Variants in FAM178B observed in about 807,000 individuals in gnomAD.
The protein encoded by FAM178B is protein FAM178B.
Under a neutral mutation model 91.7 loss-of-function variants are expected in FAM178B, and 82 were observed. That is an observed-to-expected ratio of 0.89 (90% CI 0.75 to 1.07). The LOEUF (loss-of-function observed/expected upper bound fraction) is 1.07. FAM178B is among the 50% of genes least tolerant of loss of function. FAM178B has a pLI of 0.00. For synonymous variants in FAM178B, 368 were observed against 359.4 expected (o/e 1.02, Z -0.27); for missense variants, 769 against 846.7 (o/e 0.91, Z 1.14).
chr2:96,967,868 C>T (rs1397791996), intron 4 of FAM178B, among the ~76,000 whole-genome samples: 1 of 148,658 alleles, frequency 6.7e-6, no homozygotes, highest in African/African-American at 2.5e-5. Flanking sequence ...TGGTTCTCAC[C>T]ACACAACTTC....
chr2:96,979,275 AT>A (rs745659064), intron 1 of FAM178B, among the ~76,000 whole-genome samples: 98 of 114,398 alleles, frequency 8.6e-4, no homozygotes, highest in East Asian at 7.7e-3. Flanking sequence ...GCGCCCAGGC[AT>A]TTTTTTTTTT....
At chr2:96,898,266 C>T (rs1035684698) in intron 13 of FAM178B, 2 of 292,378 alleles carry the variant, frequency 6.8e-6, no homozygotes, top group African/African-American at 4.6e-5. Flanking sequence ...GGCACTTCAC[C>T]ATGAAGTGGC....
rs961393873 is a variant in FAM178B, at chr2:96,911,925, G to A, written c.1563-9218C>T. Among the ~76,000 whole-genome samples, 134 of 152,140 alleles carry A rather than the reference G, an allele frequency of 8.8e-4. 3 individuals carry two copies. Among genetic ancestry groups the A allele is most frequent in the South Asian group, 4.1e-4 (2 of 4,820 alleles). ...ATCCCAGACATGTGCCACACAGATA[G>A]GTGCTCAGCAGCAAAGTCTGGCCAC... On this transcript the variant is annotated intron_variant, in intron 12 of 16. Transcript: ENST00000490605.
In FAM178B at chr2:96,986,310, A is replaced by C. The variant is rs2082423336; in HGVS notation, c.4T>G (p.Trp2Gly). Residue 2 changes from tryptophan to glycine, a missense_variant, in exon 1 of 17, where the codon TGG (tryptophan) becomes GGG (glycine). By Grantham distance (184) the Trp-to-Gly change is radical (BLOSUM62 -2). Transcript: ENST00000490605. ...AGGCCCGCACCTGGAAGCCTTGGCC[A>C]CATAGGGCGGGAAGGGCAGGGCTCC... M[W>G]PRLPGAGLAP... The C allele has an allele frequency of 2.6e-6, 4 of 1,534,060 alleles. No individual in the cohort carries two copies. In the East Asian group the frequency reaches 9.8e-5, roughly 38 times the overall value.
intron 7 of FAM178B, among the ~76,000 whole-genome samples, chr2:96,950,864 C>T (rs1559092281): frequency 6.6e-6 from 1 of 152,228 alleles, no homozygotes; most frequent in Non-Finnish European, 1.5e-5. Context: ...AACGCCCAAG[C>T]ACCCTCGGCT....
chr2:96,921,601 G>A lies in FAM178B; in HGVS notation c.1341C>T (p.Leu447=). 1 of 1,551,678 alleles carries A rather than the reference G, an allele frequency of 6.4e-7. No homozygotes were observed. Among genetic ancestry groups the A allele is most frequent in the South Asian group, 1.2e-5 (1 of 84,058 alleles). ...GGCACAGCAGCTCAATCAGTCCCAT[G>A]AGGTTCTCATCAGTGTAGGCCCCCG... is the stretch of plus-strand genomic sequence containing the variant. The part of the protein sequence containing the change: ...AQPGAYTDEN[L]MGLIELLCRT... Residue 447 remains leucine, a synonymous_variant, in exon 11 of 17, where the codon CTC becomes CTT. Transcript: ENST00000490605.
intron 8 of FAM178B, among the ~76,000 whole-genome samples, chr2:96,943,888 C>T (rs940114266): frequency 6.6e-6 from 1 of 152,090 alleles, no homozygotes; most frequent in Non-Finnish European, 1.5e-5. Flanking sequence ...CAGATGGGTT[C>T]GCGGTGGTTT....
intron 6 of FAM178B, among the ~76,000 whole-genome samples, chr2:96,957,009 A>G (rs2082008347): frequency 6.9e-6 from 1 of 144,398 alleles, no homozygotes; most frequent in African/African-American, 2.6e-5. Flanking sequence ...CAGGTGTGCT[A>G]TCACCCATGG....
At chr2:96,897,997 G>A (rs148361304) in intron 13 of FAM178B, 171 of 985,444 alleles carry the variant, frequency 1.7e-4, no homozygotes, top group Non-Finnish European at 2.0e-4. Flanking sequence ...TGGGGCCTCC[G>A]CTGCAGCTTG....
At chr2:96,924,835 C>T (rs1435146308) in intron 9 of FAM178B, among the ~76,000 whole-genome samples, 2 of 152,152 alleles carry the variant, frequency 1.3e-5, no homozygotes, top group Non-Finnish European at 2.9e-5. Context: ...AGGCAGCCCC[C>T]TGGCACAGGG....
Position 96,972,208 on chromosome 2 carries a change from G to A in FAM178B, c.257C>T (p.Ala86Val). The A allele has an allele frequency of 6.5e-7, 1 of 1,543,380 alleles. No homozygotes were observed. Among genetic ancestry groups the A allele is most frequent in the Middle Eastern group, 1.7e-4 (1 of 5,906 alleles). ...RCPARRPCSP[A>V]SAPAPTSPKK... is the part of the protein sequence containing the mutation. Reference sequence around the variant, plus strand: ...TGGCGATGTGGGAGCTGGAGCCGAGGCAGGGCTGCAGGGCCGCCGGGCAGG... The same window carrying A: ...TGGCGATGTGGGAGCTGGAGCCGAGACAGGGCTGCAGGGCCGCCGGGCAGG... Residue 86 changes from alanine to valine, a missense_variant, in exon 3 of 17, where the codon GCC becomes GTC. Ala to Val is a moderately conservative substitution (Grantham distance 64, BLOSUM62 0). Transcript: ENST00000490605.
At chr2:96,962,437 AAAAAAAAG>A (rs1277499532) in intron 5 of FAM178B, among the ~76,000 whole-genome samples, 5 of 151,068 alleles carry the variant, frequency 3.3e-5, no homozygotes, top group African/African-American at 7.3e-5. Flanking sequence ...TCAAGAAAAA[AAAAAAAAG>A]AAAGAAAGAA....
At chr2:96,972,990 G>A (rs906114805) in intron 1 of FAM178B, among the ~76,000 whole-genome samples, 2 of 151,962 alleles carry the variant, frequency 1.3e-5, no homozygotes, top group African/African-American at 4.8e-5. Flanking sequence ...GATCACCTGA[G>A]GTCAGGAGGT....
chr2:96,883,099 C>G (rs2080429130), intron 14 of FAM178B, among the ~76,000 whole-genome samples: 2 of 152,194 alleles, frequency 1.3e-5, no homozygotes, highest in South Asian at 4.1e-4. Flanking sequence ...CGTGCCCTCC[C>G]CCTGGGGAAG....
chr2:96,964,865 T>C (rs1240243670), intron 5 of FAM178B, among the ~76,000 whole-genome samples: 1 of 152,124 alleles, frequency 6.6e-6, no homozygotes, highest in Non-Finnish European at 1.5e-5. Context: ...CACCCAGGCA[T>C]CTGGCTTCCC....
intron 5 of FAM178B, among the ~76,000 whole-genome samples, chr2:96,960,866 G>T (rs920581486): frequency 6.6e-6 from 1 of 152,186 alleles, no homozygotes; most frequent in Admixed American, 6.5e-5. Flanking sequence ...GGAGAGGAGC[G>T]CTGGGTGCGG....
intron 1 of FAM178B, chr2:96,977,962 G>A (rs751340573): frequency 1.3e-4 from 57 of 449,400 alleles, no homozygotes; most frequent in Non-Finnish European, 2.2e-5. Context: ...GGGGAGGGGG[G>A]CGACCGGCAA....
At chr2:96,949,653 C>A (rs75304812) in intron 7 of FAM178B, among the ~76,000 whole-genome samples, 3,187 of 152,306 alleles carry the variant, frequency 0.021, 118 homozygotes, top group African/African-American at 0.073. Context: ...GTTCTAAGTC[C>A]CCTGAGGACA....
At chr2:96,917,946 C>T (rs58232717) in intron 12 of FAM178B, among the ~76,000 whole-genome samples, 5,783 of 152,092 alleles carry the variant, frequency 0.038, 127 homozygotes, top group Middle Eastern at 0.078. Flanking sequence ...TTCTCTCATA[C>T]CAAGGACAAA....
Sources: gnomAD v4.1 joint callset for allele counts (sites outside exome capture counted in the v4.1 genomes callset) on GRCh38, gnomAD v4.1.1 for gene constraint, MANE v1.5 for transcripts, NCBI Gene and HGNC (gene_info 2026-07-23, HGNC 2026-07-21) for gene names.